Variants in NIM1K observed in about 807,000 individuals in gnomAD.
NIM1K encodes the protein serine/threonine-protein kinase NIM1.
NIM1K carries 35 observed loss-of-function variants against 37.1 expected under a neutral mutation model. That is an observed-to-expected ratio of 0.94 (90% CI 0.72 to 1.25). NIM1K has a LOEUF of 1.25. Among genes scored for constraint, NIM1K ranks in the 50% most tolerant of loss-of-function variants. The probability of loss-of-function intolerance (pLI) is 0.00; values close to 1 mark genes in which losing one functional copy is unlikely to be tolerated. For missense variants in NIM1K, 564 were observed against 548.0 expected, an observed-to-expected ratio of 1.03 and a Z score of -0.29; for synonymous variants, 234 against 206.6, an observed-to-expected ratio of 1.13 and a Z score of -1.14.
intron 1 of NIM1K, among the ~76,000 whole-genome samples, chr5:43,242,320 AG>A (rs894318562): frequency 4.6e-5 from 7 of 151,906 alleles, no homozygotes; most frequent in African/African-American, 1.5e-4. Flanking sequence ...ACCCCAAATC[AG>A]GAGAGTTGGG....
chr5:43,210,412 G>T (rs1451020024), intron 1 of NIM1K, among the ~76,000 whole-genome samples: 3 of 152,280 alleles, frequency 2.0e-5, no homozygotes, highest in East Asian at 3.9e-4. Context: ...GCCAGGCACT[G>T]TTTAGAGATA....
chr5:43,239,752 C>T (rs1469905577), intron 1 of NIM1K, among the ~76,000 whole-genome samples: 2 of 152,080 alleles, frequency 1.3e-5, no homozygotes, highest in Admixed American at 6.5e-5. Context: ...GTCTCAAACT[C>T]CTGACCTCAG....
Position 43,243,735 on chromosome 5 carries a change from G to A in NIM1K, c.-694-1347G>A, listed in dbSNP as rs1752737906. 2.0e-5 allele frequency among the ~76,000 whole-genome samples: 3 copies of A among 152,140 alleles called. No homozygotes were observed. In the South Asian group the frequency reaches 6.2e-4, roughly 32 times the overall value. ...TTGTCACCCAGGCTGGAGTACAGTG[G>A]CTTGATCTCAGCTCACTGCAACCTC... On this transcript the variant is annotated intron_variant, in intron 1 of 3. Transcript: ENST00000326035.
chr5:43,273,199 G>GT (rs1753283744), intron 2 of NIM1K, among the ~76,000 whole-genome samples: 2 of 148,532 alleles, frequency 1.3e-5, no homozygotes, highest in African/African-American at 5.1e-5. Context: ...TTGCCAGAGT[G>GT]CTTTTTTTTT....
chr5:43,266,788 T>C (rs1753169610), intron 2 of NIM1K, among the ~76,000 whole-genome samples: 1 of 152,230 alleles, frequency 6.6e-6, no homozygotes. Context: ...TCCCTCTATC[T>C]CTGGGACAAA....
chr5:43,207,674 G>A, intron 1 of NIM1K: 1 of 555,988 alleles, frequency 1.8e-6, no homozygotes, highest in Non-Finnish European at 3.5e-6. Flanking sequence ...GCTCTATGAA[G>A]AACAGCTGGA....
chr5:43,268,457 A>C (rs923574645), intron 2 of NIM1K, among the ~76,000 whole-genome samples: 10 of 151,986 alleles, frequency 6.6e-5, no homozygotes, highest in Admixed American at 6.6e-4. Context: ...AATCATATGG[A>C]GTTGAAGCTG....
At chr5:43,264,537 C>T (rs1753090570) in intron 2 of NIM1K, among the ~76,000 whole-genome samples, 1 of 152,162 alleles carries the variant, frequency 6.6e-6, no homozygotes, top group Non-Finnish European at 1.5e-5. Context: ...GATGGGTCTC[C>T]TGAATACAGC....
chr5:43,209,967 TAC>T (rs2112215191), intron 1 of NIM1K, among the ~76,000 whole-genome samples: 1 of 152,310 alleles, frequency 6.6e-6, no homozygotes, highest in Non-Finnish European at 1.5e-5. Context: ...AGCCAGTGGT[TAC>T]AGACTCTTCC....
At position 43,280,356 on chromosome 5, in the gene NIM1K, G is replaced by A. The variant is rs1364851868; in HGVS notation, c.938G>A (p.Arg313Lys). 6.2e-7 allele frequency: 1 copy of A among 1,614,148 alleles called. No homozygotes were observed. Among genetic ancestry groups the A allele is most frequent in the Non-Finnish European group, 8.5e-7 (1 of 1,180,050 alleles). Residue 313 changes from arginine (R) to lysine (K), a missense_variant, in exon 4 of 4, where the codon AGG (arginine) becomes AAG (lysine). Physicochemically the swap from Arg to Lys is conservative, Grantham distance 26 (BLOSUM62 2). Coordinates refer to ENST00000326035, the MANE Select transcript of NIM1K (RefSeq NM_153361.4). The part of the protein sequence containing the change: ...RGVLQQIPTE[R>K]YGIDCIMNDE... ...GTCCTTCAGCAGATCCCCACGGAGA[G>A]GTACGGAATCGACTGCATCATGAAT...
chr5:43,257,583 C>T (rs1434936196), intron 2 of NIM1K, among the ~76,000 whole-genome samples: 1 of 151,930 alleles, frequency 6.6e-6, no homozygotes, highest in African/African-American at 2.4e-5. Flanking sequence ...GATCTCCTGA[C>T]CTCATCATCC....
intron 2 of NIM1K, among the ~76,000 whole-genome samples, chr5:43,249,207 C>T (rs560878196): frequency 3.3e-5 from 5 of 151,982 alleles, no homozygotes; most frequent in African/African-American, 1.2e-4. Context: ...GTAGCTGGGA[C>T]TACAGGTGCC....
chr5:43,251,569 C>T (rs1752867029), intron 2 of NIM1K, among the ~76,000 whole-genome samples: 1 of 152,170 alleles, frequency 6.6e-6, no homozygotes, highest in African/African-American at 2.4e-5. Flanking sequence ...GTATTGAGTA[C>T]AGGGGAATTC....
intron 2 of NIM1K, among the ~76,000 whole-genome samples, chr5:43,267,345 T>C (rs1753180498): frequency 2.6e-5 from 4 of 152,234 alleles, no homozygotes; most frequent in Admixed American, 1.3e-4. Context: ...TCAAAACTTC[T>C]CTCCTCTTAG....
At chr5:43,268,291 G>C (rs959529160) in intron 2 of NIM1K, among the ~76,000 whole-genome samples, 2 of 152,188 alleles carry the variant, frequency 1.3e-5, no homozygotes, top group Non-Finnish European at 2.9e-5. Context: ...TTGATGCAAG[G>C]CCAGTCATGC....
intron 2 of NIM1K, among the ~76,000 whole-genome samples, chr5:43,250,848 T>C (rs1045644770): frequency 6.6e-6 from 1 of 152,152 alleles, no homozygotes; most frequent in Admixed American, 6.5e-5. Flanking sequence ...TGGGTTCAGA[T>C]GTTAGATTCC....
At chr5:43,276,259 C>T (rs755775375) in intron 2 of NIM1K, among the ~76,000 whole-genome samples, 13 of 152,282 alleles carry the variant, frequency 8.5e-5, no homozygotes, top group African/African-American at 2.6e-4. Context: ...GTACAGGAAG[C>T]GTGGTGGCAT....
intron 2 of NIM1K, among the ~76,000 whole-genome samples, chr5:43,265,174 G>A (rs941352929): frequency 4.6e-5 from 7 of 152,200 alleles, no homozygotes; most frequent in Non-Finnish European, 8.8e-5. Context: ...GCCTTGCTAG[G>A]TTGGGGAAGT....
chr5:43,275,144 A>G (rs1410878181), intron 2 of NIM1K, among the ~76,000 whole-genome samples: 1 of 152,190 alleles, frequency 6.6e-6, no homozygotes, highest in African/African-American at 2.4e-5. Flanking sequence ...CAATTAGAAA[A>G]TCTCTATTCT....
Sources: allele counts gnomAD v4.1 joint callset (sites outside exome capture counted in the v4.1 genomes callset), GRCh38; gene constraint gnomAD v4.1.1; transcripts MANE v1.5; gene names NCBI Gene and HGNC (gene_info 2026-07-23, HGNC 2026-07-21).